Variants in NUP133 observed in about 807,000 individuals in gnomAD.
The protein encoded by NUP133 is nucleoporin 133.
NUP133 carries 66 observed loss-of-function variants against 146.2 expected under a neutral mutation model. The observed-to-expected ratio is 0.45, with a 90% CI of 0.37 to 0.55. The LOEUF is 0.55. NUP133 is among the 20% of genes least tolerant of loss of function. NUP133 has a pLI of 0.00. For missense variants in NUP133, 1,277 were observed against 1,374.8 expected (o/e 0.93, Z 1.12); for synonymous variants, 521 against 498.8 (o/e 1.04, Z -0.59).
intron 11 of NUP133, among the ~76,000 whole-genome samples, chr1:229,485,252 G>A (rs1661319984): frequency 6.6e-6 from 1 of 152,160 alleles, no homozygotes; most frequent in Non-Finnish European, 1.5e-5. Flanking sequence ...AAATGGCCCC[G>A]CTGACAGGAG....
intron 18 of NUP133, 141 bp from the exon 19 acceptor site, chr1:229,463,817 G>T: frequency 1.1e-6 from 1 of 929,856 alleles, no homozygotes; most frequent in Non-Finnish European, 1.6e-6. Context: ...CCACTTACTG[G>T]CACTTAGTTT....
intron 25 of NUP133, among the ~76,000 whole-genome samples, chr1:229,443,760 G>A (rs770931723): frequency 1.4e-4 from 17 of 123,274 alleles, no homozygotes; most frequent in Admixed American, 7.2e-4. Flanking sequence ...ACGGAGTCTC[G>A]CTCTGTCACC....
chr1:229,504,003 T>C (rs1661873435), intron 2 of NUP133, among the ~76,000 whole-genome samples: 1 of 152,102 alleles, frequency 6.6e-6, no homozygotes, highest in Admixed American at 6.6e-5. Context: ...ATTTATTTAT[T>C]TAAAACAGAA....
In NUP133 at chr1:229,467,145, ATTTC is replaced by A. The variant is rs1262476738; in HGVS notation, c.2077-393_2077-390del. ...ATGACCTCAAAAAGTGAACTTGCTA[ATTTC>A]TTTCTTTGAGGAATTCCCCTTCTTC... is the stretch of plus-strand genomic sequence containing the variant. On this transcript the variant is annotated intron_variant, in intron 15 of 25. Coordinates refer to ENST00000261396, the MANE Select transcript of NUP133 (RefSeq NM_018230.3). Among the ~76,000 whole-genome samples, 6 of 152,348 alleles carry A rather than the reference ATTTC, an allele frequency of 3.9e-5. No individual in the cohort carries two copies. The East Asian group carries it at 5.8e-4, about 15-fold the overall frequency.
At chr1:229,467,857 C>A (rs35834187) in intron 15 of NUP133, among the ~76,000 whole-genome samples, 4,576 of 149,476 alleles carry the variant, frequency 0.031, 244 homozygotes, top group African/African-American at 0.11. Flanking sequence ...CCAAGGAGGC[C>A]GAGGCTGCGG....
intron 24 of NUP133, 77 bp from the exon 25 acceptor site, chr1:229,445,079 G>A (rs981075704): frequency 3.7e-6 from 4 of 1,089,762 alleles, no homozygotes; most frequent in South Asian, 2.7e-5. Flanking sequence ...TGCTATCATG[G>A]TTTTATTTTG....
At chr1:229,459,307 G>C (rs908450474) in intron 20 of NUP133, among the ~76,000 whole-genome samples, 3 of 152,142 alleles carry the variant, frequency 2.0e-5, no homozygotes, top group Non-Finnish European at 4.4e-5. Context: ...TGGATTGCTT[G>C]AGCCCAGGAA....
chr1:229,497,828 T>A (rs981291363), intron 6 of NUP133, among the ~76,000 whole-genome samples: 1 of 152,210 alleles, frequency 6.6e-6, no homozygotes, highest in African/African-American at 2.4e-5. Flanking sequence ...GAAACACGCT[T>A]CTGGTTAAAT....
chr1:229,463,946 G>C (rs1237111774), intron 18 of NUP133, among the ~76,000 whole-genome samples: 1 of 152,004 alleles, frequency 6.6e-6, no homozygotes, highest in Non-Finnish European at 1.5e-5. Context: ...AGGAGTTCGA[G>C]TCCCGCCAGG....
In NUP133 at chr1:229,508,062, A is replaced by G. The variant is rs1429051597; in HGVS notation, c.182+6T>C. On this transcript the variant is annotated splice_donor_region_variant and intron_variant, in intron 1 of 25. Coordinates refer to ENST00000261396, the MANE Select transcript of NUP133 (RefSeq NM_018230.3). The stretch of plus-strand genomic sequence containing the variant: ...GTTGCCAGACCCAACCAGGGAGATC[A>G]CTTACCGCGAGCTTAGCGAGCTACG... 1.0e-5 allele frequency: 15 copies of G among 1,481,346 alleles called. No individual in the cohort carries two copies. Among genetic ancestry groups the G allele is most frequent in the Admixed American group, 2.4e-5 (1 of 41,390 alleles). 91.8% of individuals were successfully genotyped at this position (1,481,346 alleles called of 1,614,324 possible). A position where few individuals can be genotyped will look rare whatever the true frequency, so the allele number is the denominator to read the frequency against.
chr1:229,474,040 G>A (rs1661016327), intron 14 of NUP133, among the ~76,000 whole-genome samples: 3 of 152,228 alleles, frequency 2.0e-5, no homozygotes, highest in Non-Finnish European at 1.5e-5. Context: ...CATCTGAGAT[G>A]AGCCCTTAAG....
At position 229,444,981 on chromosome 1, in the gene NUP133, T is replaced by C; in HGVS notation, c.3267A>G (p.Lys1089=). 9.3e-6 allele frequency: 15 copies of C among 1,612,488 alleles called. No homozygotes were observed. The highest frequency in any genetic ancestry group is 1.2e-5 in the Non-Finnish European group (14 of 1,179,054). The change falls in exon 25 of 26, where the codon AAA becomes AAG. Residue 1089 remains lysine (K), a synonymous_variant. Transcript: ENST00000261396. ...QRDNWSSSDG[K]DDPIEVSKDS... ...CTTTAGATACTTCAATTGGATCATC[T>C]TTGCCATCAGAACTGGACCAGCTAG... is the stretch of plus-strand genomic sequence containing the variant.
intron 22 of NUP133, among the ~76,000 whole-genome samples, chr1:229,451,826 T>C (rs1291141773): frequency 2.0e-5 from 3 of 152,208 alleles, no homozygotes; most frequent in Non-Finnish European, 4.4e-5. Flanking sequence ...TAATAATGCA[T>C]TAGAGTAAAA....
At chr1:229,502,558 C>CAAAAAAA (rs58520087) in intron 2 of NUP133, among the ~76,000 whole-genome samples, 9 of 43,068 alleles carry the variant, frequency 2.1e-4, no homozygotes, top group African/African-American at 5.7e-4. Context: ...GACTCCATCT[C>CAAAAAAA]AAAAAAAAAA....
At chr1:229,444,848 A>G (rs1660267655) in intron 25 of NUP133, 66 bp downstream of exon 25, 1 of 1,192,834 alleles carries the variant, frequency 8.4e-7, no homozygotes, top group East Asian at 2.4e-5. Flanking sequence ...CTCCGTCTCA[A>G]AAAAAAACCC....
chr1:229,443,723 A>ATTT (rs71561738), intron 25 of NUP133, among the ~76,000 whole-genome samples: 77 of 116,162 alleles, frequency 6.6e-4, no homozygotes, highest in South Asian at 1.3e-3. Flanking sequence ...CACATATATA[A>ATTT]TTTTTTTTTT....
chr1:229,499,158 T>C (rs1037779109), intron 5 of NUP133: 2 of 468,942 alleles, frequency 4.3e-6, no homozygotes, highest in African/African-American at 4.0e-5. Flanking sequence ...CTTCAGCCAT[T>C]CAAAGTGGTG....
chr1:229,445,578 C>T (rs1660285362), intron 24 of NUP133, among the ~76,000 whole-genome samples: 1 of 152,208 alleles, frequency 6.6e-6, no homozygotes, highest in Non-Finnish European at 1.5e-5. Flanking sequence ...CTTGGCCTCC[C>T]AAAGTGCTGG....
intron 8 of NUP133, among the ~76,000 whole-genome samples, chr1:229,491,919 A>T (rs12125125): frequency 0.19 from 28,464 of 152,216 alleles, 2,868 homozygotes; most frequent in Middle Eastern, 0.25. Context: ...TTTAAAAACA[A>T]ACATATATAT....
Sources: allele counts gnomAD v4.1 joint callset (sites outside exome capture counted in the v4.1 genomes callset), GRCh38; gene constraint gnomAD v4.1.1; transcripts MANE v1.5; gene names NCBI Gene and HGNC (gene_info 2026-07-23, HGNC 2026-07-21).